The following LAMA5 variants were observed in gnomAD, a reference collection of about 807,000 sequenced individuals.
LAMA5 encodes the protein laminin subunit alpha 5, also known as laminin subunit alpha-5.
A neutral mutation model predicts 433.4 loss-of-function variants in LAMA5; 260 were observed. That is an observed-to-expected ratio of 0.60 (90% confidence interval 0.54 to 0.66). LAMA5 has a LOEUF of 0.66. LAMA5 is among the 30% of genes least tolerant of loss of function. The probability of loss-of-function intolerance (pLI) is 0.00; values close to 1 mark genes in which losing one functional copy is unlikely to be tolerated. For missense variants in LAMA5, 5,378 were observed against 5,258.5 expected, an observed-to-expected ratio of 1.02 and a Z score of -0.70; for synonymous variants, 2,620 against 2,226.6, an observed-to-expected ratio of 1.18 and a Z score of -4.97.
In LAMA5 at chr20:62,338,122, C is replaced by A; in HGVS notation, c.1785G>T (p.Leu595Phe). 1 of 1,594,342 alleles carries A rather than the reference C, an allele frequency of 6.3e-7. No individual in the cohort carries two copies. Among genetic ancestry groups the A allele is most frequent in the Non-Finnish European group, 8.5e-7 (1 of 1,169,664 alleles). ...GGCCGGCCTCATCGCAGCCCTCGGGCAAGGTTCCTGCAGGGCTGCAGCCAC... is the reference window on the plus strand; with the variant it reads ...GGCCGGCCTCATCGCAGCCCTCGGGAAAGGTTCCTGCAGGGCTGCAGCCAC... ...QLCGCSPAGT[L>F]PEGCDEAGRC... Residue 595 changes from leucine to phenylalanine, a missense_variant, in exon 14 of 80, where the codon TTG becomes TTT. Transcript: ENST00000252999.
chr20:62,322,285 AG>A lies in LAMA5; in HGVS notation c.6329del (p.Pro2110LeufsTer99). The A allele has an allele frequency of 6.3e-7, 1 of 1,598,602 alleles. No homozygotes were observed. Among genetic ancestry groups the A allele is most frequent in the Non-Finnish European group, 8.5e-7 (1 of 1,175,364 alleles). On this transcript the variant is annotated frameshift_variant, in exon 47 of 80. Transcript: ENST00000252999. LOFTEE classifies it high-confidence loss of function. Reference protein sequence around the residue: ...RECAPGYWGLPEQGCRRCQCP... With the variant: ...RECAPGYWGLXEQGCRRCQCP... ...AGCACTCACGCCTGCAGCCCTGCTCAGGGAGCCCCCAGTAGCCAGGGGCACA... is the reference window on the plus strand; with the variant it reads ...AGCACTCACGCCTGCAGCCCTGCTCAGGAGCCCCCAGTAGCCAGGGGCACA...
Position 62,333,381 on chromosome 20 carries a change from C to A in LAMA5, c.3122G>T (p.Gly1041Val). 1 of 1,612,686 alleles carries A rather than the reference C, an allele frequency of 6.2e-7. No homozygotes were observed. Among genetic ancestry groups the A allele is most frequent in the Non-Finnish European group, 8.5e-7 (1 of 1,179,874 alleles). ...CTYRPSAQQS[G>V]DNCLLYTHLP... is the part of the protein sequence containing the mutation. ...CCGCACGCATGGCCCTCACTTGTCG[C>A]CAGACTGCTGGGCAGAGGGACGGTA... Residue 1041 changes from glycine to valine, a missense_variant, in exon 25 of 80, where the codon GGC (glycine) becomes GTC (valine). Coordinates refer to ENST00000252999, the MANE Select transcript of LAMA5 (RefSeq NM_005560.6).
At chr20:62,351,887 G>A (rs561515215) in intron 5 of LAMA5, 22 bp downstream of exon 5, 41 of 1,575,084 alleles carry the variant, frequency 2.6e-5, no homozygotes, top group South Asian at 2.0e-4. Flanking sequence ...CCCCTCCCCC[G>A]CCTGCGCCAT....
chr20:62,314,953 G>C lies in LAMA5; in HGVS notation c.8048-6C>G. 6.3e-7 allele frequency: 1 copy of C among 1,593,498 alleles called. No individual in the cohort carries two copies. The highest frequency in any genetic ancestry group is 2.2e-5 in the East Asian group (1 of 44,708). On this transcript the variant is annotated splice_polypyrimidine_tract_variant and splice_region_variant and intron_variant, in intron 59 of 79. Coordinates refer to ENST00000252999, the MANE Select transcript of LAMA5 (RefSeq NM_005560.6). ...CGTCTTCTCCAGGGTGGACACTGCA[G>C]AGAGGGAGACCTGAGACCTTTGCCC...
intron 3 of LAMA5, 41 bp downstream of exon 3, chr20:62,353,093 C>T (rs372582906): frequency 9.7e-6 from 14 of 1,444,974 alleles, no homozygotes; most frequent in Non-Finnish European, 9.5e-6. Context: ...CCAGGGACCC[C>T]CCTGCCTCTC....
rs759846656 is a variant in LAMA5 at position 62,318,656 on chromosome 20, C to T, written c.7043-6G>A. ...CTCCTGCACCCGGGCCAGCACTAGC[C>T]GAGACCAGGGTGAGGGTGGTCACTC... On this transcript the variant is annotated splice_region_variant and splice_polypyrimidine_tract_variant and intron_variant, in intron 52 of 79. Coordinates refer to ENST00000252999, the MANE Select transcript of LAMA5 (RefSeq NM_005560.6). 1.2e-5 allele frequency: 19 copies of T among 1,609,094 alleles called. No homozygotes were observed. Among genetic ancestry groups the T allele is most frequent in the Middle Eastern group, 1.7e-4 (1 of 6,028 alleles).
intron 6 of LAMA5, among the ~76,000 whole-genome samples, chr20:62,347,505 C>T (rs1057008729): frequency 3.9e-5 from 6 of 152,156 alleles, no homozygotes; most frequent in East Asian, 1.9e-4. Context: ...CCATTTGCAC[C>T]CCCCAAGGCT....
rs1228793412 is a variant in LAMA5 at position 62,327,219 on chromosome 20, G to A, written c.5112+14C>T. The stretch of plus-strand genomic sequence containing the variant: ...TCCTCAAAGTGCCTCCCCCAGACCT[G>A]ATGCCCTGCTTACCCGGTCCCCCAG... On this transcript the variant is annotated intron_variant, in intron 38 of 79. Transcript: ENST00000252999. 1 of 1,493,190 alleles carries A rather than the reference G, an allele frequency of 6.7e-7. No homozygotes were observed. Among genetic ancestry groups the A allele is most frequent in the East Asian group, 2.3e-5 (1 of 42,812 alleles). The allele number at this position is 1,493,190 out of a possible 1,614,324, so 92.5% of individuals were successfully genotyped here. A position where few individuals can be genotyped will look rare whatever the true frequency, so the allele number is the denominator to read the frequency against.
At chr20:62,323,077 TGGG>T (rs35712565) in intron 45 of LAMA5, among the ~76,000 whole-genome samples, 1 of 78,544 alleles carries the variant, frequency 1.3e-5, no homozygotes, top group Non-Finnish European at 2.5e-5. Flanking sequence ...GATCGTGAGG[TGGG>T]GGGGGCGCTG....
At position 62,325,489 on chromosome 20, in the gene LAMA5, C is replaced by T. The variant is rs144142643; in HGVS notation, c.5356G>A (p.Val1786Met). ...NTVSREELMM[V>M]LASLEQLQIR... ...TGCAGCTGCTCCAGGCTGGCCAGCACCATCATGAGCTCCTCGCGGGACACA... is the reference window on the plus strand; with the variant it reads ...TGCAGCTGCTCCAGGCTGGCCAGCATCATCATGAGCTCCTCGCGGGACACA... The change falls in exon 41 of 80, where the codon GTG (valine) becomes ATG (methionine). Residue 1786 changes from valine (V) to methionine (M), a missense_variant. Val to Met is a conservative substitution (Grantham distance 21, BLOSUM62 1). Transcript: ENST00000252999. The T allele has an allele frequency of 6.2e-7, 1 of 1,612,796 alleles. No individual in the cohort carries two copies. Among genetic ancestry groups the T allele is most frequent in the African/African-American group, 1.3e-5 (1 of 74,928 alleles).
chr20:62,361,073 G>A (rs1475776783), intron 2 of LAMA5, among the ~76,000 whole-genome samples: 3 of 152,102 alleles, frequency 2.0e-5, no homozygotes, highest in South Asian at 2.1e-4. Context: ...GGAAGAACTC[G>A]CCAGTGCCCA....
At chr20:62,342,807 A>G (rs1982803746) in intron 11 of LAMA5, among the ~76,000 whole-genome samples, 1 of 152,256 alleles carries the variant, frequency 6.6e-6, no homozygotes, top group Non-Finnish European at 1.5e-5. Flanking sequence ...TGGGAGCATA[A>G]AAAAGTGTGG....
At chr20:62,311,839 T>A in intron 70 of LAMA5, 55 bp from the exon 71 acceptor site, 7 of 262,984 alleles carry the variant, frequency 2.7e-5, no homozygotes, top group Non-Finnish European at 4.8e-5. Context: ...CACCCCCACC[T>A]CAGAGGAGAC....
chr20:62,326,656 G>A, intron 40 of LAMA5, 21 bp downstream of exon 40: 1 of 1,600,260 alleles, frequency 6.2e-7, no homozygotes, highest in Non-Finnish European at 8.5e-7. Flanking sequence ...GGACCTGGGT[G>A]CCCAAGCCAG....
At chr20:62,327,462 C>T in intron 37 of LAMA5, 56 bp from the exon 38 acceptor site, 2 of 1,604,352 alleles carry the variant, frequency 1.2e-6, no homozygotes, top group South Asian at 1.1e-5. Context: ...TCACAGGGCC[C>T]CATCTTGCAT....
chr20:62,325,627 G>C, intron 40 of LAMA5, 81 bp from the exon 41 acceptor site: 1 of 915,318 alleles, frequency 1.1e-6, no homozygotes, highest in Non-Finnish European at 1.7e-6. Context: ...CCCCAACCCT[G>C]TAGGGGATGG....
intron 28 of LAMA5, 25 bp from the exon 29 acceptor site, chr20:62,331,154 G>A (rs1288074975): frequency 4.0e-6 from 6 of 1,503,400 alleles, no homozygotes; most frequent in Non-Finnish European, 4.5e-6. Context: ...ACGAGATGCT[G>A]CAACGCCCGT....
chr20:62,349,889 G>C (rs1448627026), intron 6 of LAMA5, among the ~76,000 whole-genome samples: 1 of 141,884 alleles, frequency 7.0e-6, no homozygotes, highest in Non-Finnish European at 1.6e-5. Context: ...TGGGAGTAAG[G>C]TGATGGTGGA....
chr20:62,363,216 C>T (rs1986350957), intron 1 of LAMA5, among the ~76,000 whole-genome samples: 1 of 152,210 alleles, frequency 6.6e-6, no homozygotes, highest in South Asian at 2.1e-4. Flanking sequence ...GTTCCGGAGG[C>T]CTGTGGGGAC....
Sources: gnomAD v4.1 joint callset for allele counts (sites outside exome capture counted in the v4.1 genomes callset) on GRCh38, gnomAD v4.1.1 for gene constraint, MANE v1.5 for transcripts, NCBI Gene and HGNC (gene_info 2026-07-23, HGNC 2026-07-21) for gene names.